SCML2: variants seen among roughly 807,000 people sequenced by gnomAD.
SCML2 encodes the protein Scm polycomb group protein like 2.
A neutral mutation model predicts 48.4 loss-of-function variants in SCML2; 6 were observed. The ratio of observed to expected loss-of-function variants is 0.12; its 90% CI spans 0.07 to 0.24. The LOEUF is 0.24. Ranked by LOEUF, SCML2 falls within the 10% of genes least tolerant of loss-of-function variation. The pLI, the probability that SCML2 is intolerant of heterozygous loss-of-function variation, is 1.00. For missense variants in SCML2, 377 were observed against 528.2 expected, an observed-to-expected ratio of 0.71 and a Z score of 2.81; for synonymous variants, 181 against 189.5, an observed-to-expected ratio of 0.95 and a Z score of 0.37.
At chrX:18,327,181 C>T (rs781207207) in intron 3 of SCML2, among the ~76,000 whole-genome samples, 1 of 109,958 alleles carries the variant, frequency 9.1e-6, no homozygotes, top group African/African-American at 3.3e-5. Context: ...ACCAGCCTGG[C>T]CAACATGGCG....
At chrX:18,331,373 G>A (rs1404788139) in intron 2 of SCML2, among the ~76,000 whole-genome samples, 1 of 105,468 alleles carries the variant, frequency 9.5e-6, no homozygotes, top group Admixed American at 1.0e-4. Context: ...ATGCTTTTGA[G>A]AGTTCAAAAC....
Position 18,323,974 on chromosome X carries a change from C to G in SCML2, c.282G>C (p.Arg94=). 1 of 1,210,867 alleles carries G rather than the reference C, an allele frequency of 8.3e-7. No individual in the cohort carries two copies. The highest frequency in any genetic ancestry group is 1.1e-6 in the Non-Finnish European group (1 of 894,769). The stretch of plus-strand genomic sequence containing the variant: ...TGTTGTCACTACCATCCAGTCGTAA[C>G]CGTAACCTGGCCCCAGTAATTCCAA... The part of the protein sequence containing the change: ...TVIGITGARL[R]LRLDGSDNRN... Residue 94 remains arginine, a synonymous_variant, in exon 5 of 15, where the codon CGG becomes CGC. Coordinates refer to ENST00000251900, the MANE Select transcript of SCML2 (RefSeq NM_006089.3).
intron 6 of SCML2, among the ~76,000 whole-genome samples, chrX:18,314,702 C>T (rs965247557): frequency 8.9e-6 from 1 of 111,831 alleles, no homozygotes; most frequent in African/African-American, 3.3e-5. Context: ...ATGCTAACTG[C>T]TCAAAAGGAA....
intron 1 of SCML2, among the ~76,000 whole-genome samples, chrX:18,348,996 C>T (rs1454371923): frequency 1.8e-5 from 2 of 112,118 alleles, no homozygotes; most frequent in Non-Finnish European, 3.8e-5. Context: ...AAGGTACATA[C>T]CAAACAAATG....
chrX:18,265,556 A>G (rs1483240063), intron 8 of SCML2, 29 bp downstream of exon 8: 1 of 1,087,796 alleles, frequency 9.2e-7, no homozygotes, highest in South Asian at 1.9e-5. Context: ...AAAAACCTAT[A>G]ATACAAATTA....
chrX:18,246,464 G>A (rs1822351915), intron 13 of SCML2, 113 bp downstream of exon 13: 2 of 819,255 alleles, frequency 2.4e-6, no homozygotes, highest in Admixed American at 3.1e-5. Context: ...AGAGGACTCA[G>A]CCTCCCAAAT....
intron 7 of SCML2, among the ~76,000 whole-genome samples, chrX:18,277,252 G>T: frequency 9.0e-6 from 1 of 110,616 alleles, no homozygotes; most frequent in East Asian, 2.8e-4. Flanking sequence ...TTTATTTTTT[G>T]AAGAGACAGA....
chrX:18,256,558 T>C (rs1230299745), intron 11 of SCML2, among the ~76,000 whole-genome samples: 3 of 112,046 alleles, frequency 2.7e-5, no homozygotes, highest in Non-Finnish European at 5.6e-5. Context: ...CTGAGGATTA[T>C]AAAAGTCAGT....
At chrX:18,340,240 C>T (rs1929969998) in intron 1 of SCML2, among the ~76,000 whole-genome samples, 1 of 110,367 alleles carries the variant, frequency 9.1e-6, no homozygotes. Flanking sequence ...ACAGTGAAAC[C>T]CATCTCTACA....
intron 6 of SCML2, among the ~76,000 whole-genome samples, chrX:18,312,930 G>A (rs919865601): frequency 3.6e-5 from 4 of 110,282 alleles, no homozygotes; most frequent in African/African-American, 1.3e-4. Flanking sequence ...TACAGGTTAG[G>A]GTTTCTCAGC....
intron 6 of SCML2, among the ~76,000 whole-genome samples, chrX:18,317,259 C>T (rs1056656590): frequency 8.1e-5 from 9 of 111,245 alleles, no homozygotes; most frequent in Non-Finnish European, 1.1e-4. Context: ...CAACCGTTCA[C>T]GTTTATACAC....
At chrX:18,335,921 C>T (rs180854030) in intron 1 of SCML2, among the ~76,000 whole-genome samples, 81 of 111,553 alleles carry the variant, frequency 7.3e-4, no homozygotes, top group Non-Finnish European at 1.2e-3. Flanking sequence ...ATTAGAATAG[C>T]TAAAACAATC....
At chrX:18,271,837 C>T (rs773261410) in intron 7 of SCML2, among the ~76,000 whole-genome samples, 1 of 111,050 alleles carries the variant, frequency 9.0e-6, no homozygotes, top group African/African-American at 3.3e-5. Flanking sequence ...ACAACTTTCA[C>T]CTTTTCACTT....
chrX:18,267,926 T>A (rs913238377), intron 7 of SCML2, among the ~76,000 whole-genome samples: 1 of 111,505 alleles, frequency 9.0e-6, no homozygotes, highest in African/African-American at 3.3e-5. Flanking sequence ...CTTATTTTTC[T>A]ACAACCAATT....
rs973701744 is a variant in SCML2 at position 18,239,816 on chromosome X, G to C, written c.*1435C>G. The C allele has an allele frequency of 2.7e-5, 3 of 111,403 alleles. No individual in the cohort carries two copies. The highest frequency in any genetic ancestry group is 5.6e-5 in the Non-Finnish European group (3 of 53,141). 9.2% of individuals were successfully genotyped at this position (111,403 alleles called of 1,213,427 possible). A position where few individuals can be genotyped will look rare whatever the true frequency, so the allele number is the denominator to read the frequency against. ...GAGGTCAGGAGTTTGAGACCAGCCT[G>C]ACCAACATGGAGAAACCCCATCTCT... On this transcript the variant is annotated 3_prime_UTR_variant, in exon 15 of 15. Coordinates refer to ENST00000251900, the MANE Select transcript of SCML2 (RefSeq NM_006089.3).
intron 7 of SCML2, among the ~76,000 whole-genome samples, chrX:18,290,123 A>G (rs970322538): frequency 8.9e-6 from 1 of 112,119 alleles, no homozygotes; most frequent in African/African-American, 3.2e-5. Flanking sequence ...ACCAGCATTC[A>G]AAGAAGCAGC....
intron 7 of SCML2, among the ~76,000 whole-genome samples, chrX:18,300,208 T>C (rs1426873323): frequency 9.1e-6 from 1 of 109,582 alleles, no homozygotes; most frequent in Non-Finnish European, 1.9e-5. Flanking sequence ...GAGACCAGCC[T>C]GGGTAACATG....
At chrX:18,315,946 T>A (rs142384231) in intron 6 of SCML2, among the ~76,000 whole-genome samples, 64 of 110,367 alleles carry the variant, frequency 5.8e-4, no homozygotes, top group African/African-American at 2.0e-3. Context: ...AGGTTGACAG[T>A]CTGCCCAAGG....
At chrX:18,262,293 C>T (rs1164690854) in intron 8 of SCML2, among the ~76,000 whole-genome samples, 1 of 104,769 alleles carries the variant, frequency 9.5e-6, no homozygotes, top group African/African-American at 3.7e-5. Context: ...GGATAATCCA[C>T]TAACTTTTCA....
Sources: gnomAD v4.1 joint callset for allele counts (sites outside exome capture counted in the v4.1 genomes callset) on GRCh38, gnomAD v4.1.1 for gene constraint, MANE v1.5 for transcripts, NCBI Gene and HGNC (gene_info 2026-07-23, HGNC 2026-07-21) for gene names.